The following MACROD2 variants were observed in gnomAD, a reference collection of about 807,000 sequenced individuals.
MACROD2 encodes mono-ADP ribosylhydrolase 2, also known as ADP-ribose glycohydrolase MACROD2.
In MACROD2, 36 loss-of-function variants were observed where a neutral mutation model predicts 70.4. The ratio of observed to expected loss-of-function variants is 0.51; its 90% CI spans 0.39 to 0.68. MACROD2 has a LOEUF of 0.68. Ranked by LOEUF, MACROD2 falls within the 30% of genes least tolerant of loss-of-function variation. The pLI, the probability that MACROD2 is intolerant of heterozygous loss-of-function variation, is 0.00. For synonymous variants in MACROD2, 172 were observed against 178.8 expected (o/e 0.96, Z 0.30); for missense variants, 496 against 538.4 (o/e 0.92, Z 0.78).
At chr20:14,462,531 T>G (rs2084384660) in intron 3 of MACROD2, among the ~76,000 whole-genome samples, 1 of 152,144 alleles carries the variant, frequency 6.6e-6, no homozygotes, top group Non-Finnish European at 1.5e-5. Context: ...AGAAGCTCTT[T>G]AGTTTAATTA....
At chr20:14,281,037 G>C (rs1278537339) in intron 3 of MACROD2, among the ~76,000 whole-genome samples, 1 of 152,084 alleles carries the variant, frequency 6.6e-6, no homozygotes, top group East Asian at 1.9e-4. Flanking sequence ...ACATTTTTTA[G>C]TTTAGAAATG....
chr20:14,635,875 G>A (rs940541024), intron 4 of MACROD2, among the ~76,000 whole-genome samples: 1 of 152,188 alleles, frequency 6.6e-6, no homozygotes, highest in Admixed American at 6.5e-5. Context: ...ATGTGAGGAT[G>A]TGATGTCAAA....
At chr20:14,688,019 CT>C (rs374340730) in intron 5 of MACROD2, among the ~76,000 whole-genome samples, 129 of 152,128 alleles carry the variant, frequency 8.5e-4, no homozygotes, top group African/African-American at 2.8e-3. Context: ...GTTTTTCTTT[CT>C]CATCAATTTG....
chr20:15,401,839 C>G (rs779590943), intron 6 of MACROD2, among the ~76,000 whole-genome samples: 2 of 152,066 alleles, frequency 1.3e-5, no homozygotes, highest in African/African-American at 2.4e-5. Flanking sequence ...CAGATGGAGA[C>G]CTTGGGGGAA....
At chr20:15,633,093 C>T (rs200768) in intron 8 of MACROD2, among the ~76,000 whole-genome samples, 70,403 of 152,008 alleles carry the variant, frequency 0.46, 17,755 homozygotes, top group African/African-American at 0.68. Flanking sequence ...ACCACCCACC[C>T]TCCTTTCAAC....
intron 6 of MACROD2, among the ~76,000 whole-genome samples, chr20:15,345,153 G>A (rs935581191): frequency 1.3e-5 from 2 of 152,090 alleles, no homozygotes; most frequent in Non-Finnish European, 2.9e-5. Context: ...CTTGATTACC[G>A]CCGAAAGGGC....
chr20:14,486,286 G>T (rs114495307), intron 3 of MACROD2, among the ~76,000 whole-genome samples: 1,763 of 152,140 alleles, frequency 0.012, 31 homozygotes, highest in African/African-American at 0.04. Flanking sequence ...GTCCATTCAC[G>T]GTAAGCTTAC....
At chr20:14,722,150 T>A (rs1295763207) in intron 5 of MACROD2, among the ~76,000 whole-genome samples, 1 of 152,204 alleles carries the variant, frequency 6.6e-6, no homozygotes, top group Non-Finnish European at 1.5e-5. Context: ...TTTTTGATGA[T>A]CAGTGAGAGA....
chr20:14,700,548 T>TGG, intron 5 of MACROD2, among the ~76,000 whole-genome samples: 1 of 152,040 alleles, frequency 6.6e-6, no homozygotes, highest in South Asian at 2.1e-4. Context: ...TGTGTGTGTG[T>TGG]GTGTGTGTGT....
chr20:15,549,444 T>C (rs1339933126), intron 8 of MACROD2, among the ~76,000 whole-genome samples: 7 of 152,240 alleles, frequency 4.6e-5, no homozygotes, highest in Non-Finnish European at 1.0e-4. Context: ...GAAGATTTTG[T>C]AGGTTATCCA....
Position 14,711,808 on chromosome 20 carries a change from C to T in MACROD2, c.418+26849C>T, listed in dbSNP as rs1157711385. On this transcript the variant is annotated intron_variant, in intron 5 of 17. Coordinates refer to ENST00000684519, the MANE Select transcript of MACROD2 (RefSeq NM_001351661.2). ...AGCATTCCCCAGAGAGCTGTTTTCACTTTCTTTAGAGCACTTACAGTTTAT... is the reference window on the plus strand; with the variant it reads ...AGCATTCCCCAGAGAGCTGTTTTCATTTTCTTTAGAGCACTTACAGTTTAT... 2.0e-5 allele frequency among the ~76,000 whole-genome samples: 3 copies of T among 152,160 alleles called. 1 individual carries two copies. Among genetic ancestry groups the T allele is most frequent in the Non-Finnish European group, 4.4e-5 (3 of 68,022 alleles).
Position 14,493,521 on chromosome 20 carries a change from C to T in MACROD2, c.301+13C>T, listed in dbSNP as rs781260303. ...GGAGGAGGAGGTGGTAAGTCCTGAA[C>T]ATCACTTAACTTAAAATACATTTTA... On this transcript the variant is annotated intron_variant, in intron 4 of 17. Coordinates refer to ENST00000684519, the MANE Select transcript of MACROD2 (RefSeq NM_001351661.2). 1.2e-6 allele frequency: 2 copies of T among 1,602,212 alleles called. No homozygotes were observed. Among genetic ancestry groups the T allele is most frequent in the Admixed American group, 1.7e-5 (1 of 59,852 alleles).
chr20:15,083,248 T>C (rs1360802434), intron 5 of MACROD2, among the ~76,000 whole-genome samples: 1 of 152,264 alleles, frequency 6.6e-6, no homozygotes, highest in South Asian at 2.1e-4. Flanking sequence ...TGTGAATCTC[T>C]GGGGTTGGCC....
At chr20:14,467,728 G>A (rs1386619881) in intron 3 of MACROD2, among the ~76,000 whole-genome samples, 1 of 152,110 alleles carries the variant, frequency 6.6e-6, no homozygotes, top group African/African-American at 2.4e-5. Flanking sequence ...GATCTTTCCA[G>A]CATTCTCCTG....
At chr20:15,529,294 G>C (rs1236199441) in intron 8 of MACROD2, among the ~76,000 whole-genome samples, 2 of 149,404 alleles carry the variant, frequency 1.3e-5, no homozygotes, top group Non-Finnish European at 3.0e-5. Context: ...GTGCATGCCT[G>C]TGTGTGTGTG....
At chr20:14,287,829 C>T (rs966444342) in intron 3 of MACROD2, among the ~76,000 whole-genome samples, 3 of 152,062 alleles carry the variant, frequency 2.0e-5, no homozygotes, top group Non-Finnish European at 4.4e-5. Context: ...CAGAGGCTAC[C>T]CTCGGCTCTT....
chr20:15,108,435 C>T (rs1383461404), intron 5 of MACROD2, among the ~76,000 whole-genome samples: 1 of 152,178 alleles, frequency 6.6e-6, no homozygotes, highest in East Asian at 1.9e-4. Context: ...GTTTACATAT[C>T]CTGTGGATTA....
At chr20:15,910,047 A>G (rs1193491242) in intron 10 of MACROD2, among the ~76,000 whole-genome samples, 1 of 152,200 alleles carries the variant, frequency 6.6e-6, no homozygotes, top group Non-Finnish European at 1.5e-5. Flanking sequence ...TGAGTCAAGC[A>G]AGTCTCTGAT....
At chr20:15,213,083 A>G (rs1364044873) in intron 5 of MACROD2, among the ~76,000 whole-genome samples, 1 of 152,202 alleles carries the variant, frequency 6.6e-6, no homozygotes, top group Non-Finnish European at 1.5e-5. Context: ...ACACACAACA[A>G]CAAGGGTATG....
Sources: allele counts gnomAD v4.1 joint callset (sites outside exome capture counted in the v4.1 genomes callset), GRCh38; gene constraint gnomAD v4.1.1; transcripts MANE v1.5; gene names NCBI Gene and HGNC (gene_info 2026-07-23, HGNC 2026-07-21).